Variants in ZFHX4 observed in about 807,000 individuals in gnomAD.
The protein encoded by ZFHX4 is zinc finger homeobox protein 4.
ZFHX4 carries 56 observed loss-of-function variants against 267.6 expected under a neutral mutation model. The observed-to-expected ratio is 0.21, with a 90% CI of 0.17 to 0.26. ZFHX4 has a LOEUF of 0.26. Ranked by LOEUF, ZFHX4 falls within the 10% of genes least tolerant of loss-of-function variation. The pLI is 1.00. For synonymous variants in ZFHX4, 1,778 were observed against 1,665.6 expected (o/e 1.07, Z -1.64); for missense variants, 4,332 against 4,420.0 (o/e 0.98, Z 0.56).
chr8:76,811,101 G>C (rs1811365719), intron 4 of ZFHX4, among the ~76,000 whole-genome samples: 1 of 152,072 alleles, frequency 6.6e-6, no homozygotes, highest in Admixed American at 6.5e-5. Context: ...GAGCCCACAA[G>C]CTAAACCCTC....
chr8:76,762,799 C>G (rs979654264), intron 3 of ZFHX4, among the ~76,000 whole-genome samples: 1 of 152,156 alleles, frequency 6.6e-6, no homozygotes, highest in African/African-American at 2.4e-5. Flanking sequence ...ATCGTATTGA[C>G]TCTCTCAATA....
chr8:76,856,193 G>C lies in ZFHX4; in HGVS notation c.9272G>C (p.Gly3091Ala). Reference protein sequence around the residue: ...PGMMDSSSLHGISLPTAYPGL... With the variant: ...PGMMDSSSLHAISLPTAYPGL... ...ATGATGGACAGCAGTTCTCTCCACG[G>C]CATCAGCCTGCCAACAGCCTACCCC... Residue 3091 changes from glycine (G) to alanine (A), a missense_variant, in exon 10 of 11, where the codon GGC becomes GCC. Physicochemically the swap from Gly to Ala is moderately conservative, Grantham distance 60. Around this residue, in one of 7 missense-constraint regions of ZFHX4, gnomAD observed 1,648 missense variants for 1,625.0 expected, o/e 1.01. Transcript: ENST00000651372. 3 of 1,613,944 alleles carry C rather than the reference G, an allele frequency of 1.9e-6. No individual in the cohort carries two copies. The highest frequency in any genetic ancestry group is 2.5e-6 in the Non-Finnish European group (3 of 1,179,866).
intron 4 of ZFHX4, among the ~76,000 whole-genome samples, chr8:76,806,390 C>T (rs760651023): frequency 6.6e-6 from 1 of 152,048 alleles, no homozygotes; most frequent in Non-Finnish European, 1.5e-5. Flanking sequence ...TCAACATTCT[C>T]CAAAGCCTGC....
rs919691821 is a variant in ZFHX4 at position 76,733,896 on chromosome 8, G to T, written c.3093+25848G>T. Reference sequence around the variant, plus strand: ...AACCACTTTAAACCTTTCAGTAAAGGTTTGATAATAGATGTCATCATTGAA... The same window carrying T: ...AACCACTTTAAACCTTTCAGTAAAGTTTTGATAATAGATGTCATCATTGAA... On this transcript the variant is annotated intron_variant, in intron 3 of 10. Coordinates refer to ENST00000651372, the MANE Select transcript of ZFHX4 (RefSeq NM_024721.5). 3.9e-5 allele frequency among the ~76,000 whole-genome samples: 6 copies of T among 152,100 alleles called. No individual in the cohort carries two copies. In the East Asian group the frequency reaches 5.8e-4, roughly 15 times the overall value.
chr8:76,732,229 A>G (rs549807387), intron 3 of ZFHX4, among the ~76,000 whole-genome samples: 21 of 152,106 alleles, frequency 1.4e-4, no homozygotes, highest in Non-Finnish European at 2.4e-4. Context: ...ATATTTTATC[A>G]TGAGTTGAAT....
chr8:76,713,514 C>G (rs1808484459), intron 3 of ZFHX4, among the ~76,000 whole-genome samples: 1 of 151,974 alleles, frequency 6.6e-6, no homozygotes, highest in Non-Finnish European at 1.5e-5. Flanking sequence ...CTTTTCTTAA[C>G]CAACGCCACC....
intron 3 of ZFHX4, among the ~76,000 whole-genome samples, chr8:76,768,327 TG>T (rs990568997): frequency 1.3e-5 from 2 of 152,010 alleles, no homozygotes; most frequent in Non-Finnish European, 2.9e-5. Flanking sequence ...ATTGCAGGAG[TG>T]GCATAATATG....
intron 1 of ZFHX4, among the ~76,000 whole-genome samples, chr8:76,684,459 G>A (rs1807640531): frequency 6.6e-6 from 1 of 152,146 alleles, no homozygotes; most frequent in African/African-American, 2.4e-5. Flanking sequence ...GCACCACTGT[G>A]TTTTTATTCA....
intron 3 of ZFHX4, among the ~76,000 whole-genome samples, chr8:76,721,810 C>A (rs1203482742): frequency 2.6e-5 from 4 of 152,078 alleles, no homozygotes; most frequent in Non-Finnish European, 1.5e-5. Flanking sequence ...TAATTGGAGT[C>A]TTCTCTCTCT....
rs1812696644 is a variant in ZFHX4, at chr8:76,855,590, A to T, written c.8669A>T (p.Asp2890Val). 6.2e-7 allele frequency: 1 copy of T among 1,613,746 alleles called. No homozygotes were observed. Among genetic ancestry groups the T allele is most frequent in the African/African-American group, 1.3e-5 (1 of 74,906 alleles). ...GDHDQSFYITDDPDDNADRSE... is the reference protein window; with the variant it reads ...GDHDQSFYITVDPDDNADRSE... ...CACGACCAAAGCTTTTACATCACAGATGACCCGGATGACAACGCCGACCGC... is the reference window on the plus strand; with the variant it reads ...CACGACCAAAGCTTTTACATCACAGTTGACCCGGATGACAACGCCGACCGC... The change falls in exon 10 of 11, where the codon GAT (aspartate) becomes GTT (valine). Residue 2890 changes from aspartate (D) to valine (V), a missense_variant. Physicochemically the swap from Asp to Val is radical, Grantham distance 152. Around this residue, in one of 7 missense-constraint regions of ZFHX4, gnomAD observed 1,648 missense variants for 1,625.0 expected, o/e 1.01. Transcript: ENST00000651372.
At chr8:76,831,784 A>AATAG (rs1811939693) in intron 4 of ZFHX4, among the ~76,000 whole-genome samples, 1 of 152,192 alleles carries the variant, frequency 6.6e-6, no homozygotes, top group African/African-American at 2.4e-5. Context: ...GGAGGCTCAC[A>AATAG]GAGGAAGACC....
intron 10 of ZFHX4, among the ~76,000 whole-genome samples, chr8:76,857,608 G>A (rs1347471767): frequency 6.6e-6 from 1 of 151,924 alleles, no homozygotes; most frequent in Admixed American, 6.6e-5. Flanking sequence ...TGAGTCAGCT[G>A]GTTTTTGAGA....
intron 3 of ZFHX4, among the ~76,000 whole-genome samples, chr8:76,718,533 C>T (rs1808637087): frequency 6.6e-6 from 1 of 152,020 alleles, no homozygotes; most frequent in Non-Finnish European, 1.5e-5. Flanking sequence ...AAATACTCCC[C>T]AGTTTCATAA....
intron 3 of ZFHX4, among the ~76,000 whole-genome samples, chr8:76,744,724 C>T (rs1238446461): frequency 6.6e-6 from 1 of 152,026 alleles, no homozygotes. Context: ...ATATGCTATA[C>T]TTTCTGTAAG....
At chr8:76,807,715 T>C (rs1811279423) in intron 4 of ZFHX4, among the ~76,000 whole-genome samples, 1 of 152,158 alleles carries the variant, frequency 6.6e-6, no homozygotes, top group South Asian at 2.1e-4. Flanking sequence ...ATGGAGATCA[T>C]TCAGTTTTGT....
At chr8:76,818,044 G>C (rs1811551521) in intron 4 of ZFHX4, among the ~76,000 whole-genome samples, 1 of 152,138 alleles carries the variant, frequency 6.6e-6, no homozygotes, top group South Asian at 2.1e-4. Flanking sequence ...AGGCTGCCTA[G>C]AGGACAGAAT....
intron 3 of ZFHX4, among the ~76,000 whole-genome samples, chr8:76,757,227 G>T (rs1047640481): frequency 6.6e-6 from 1 of 152,106 alleles, no homozygotes; most frequent in Non-Finnish European, 1.5e-5. Flanking sequence ...CAGACAAAAA[G>T]AATTGCAATA....
At position 76,705,719 on chromosome 8, in the gene ZFHX4, C is replaced by T; in HGVS notation, c.1631C>T (p.Ala544Val). ...AAAAAACAGACTGCTGCTGTTAGGG[C>T]CAGTGGCAGTGTTGCTAGTAACTAT... ...EKKKQTAAVR[A>V]SGSVASNYGI... Residue 544 changes from alanine (A) to valine (V), a missense_variant, in exon 2 of 11, where the codon GCC (alanine) becomes GTC (valine). By Grantham distance (64) the Ala-to-Val change is moderately conservative. This residue lies in a region of ZFHX4 where 1,195 missense variants were observed against 1,173.6 expected (regional missense o/e 1.02). Coordinates refer to ENST00000651372, the MANE Select transcript of ZFHX4 (RefSeq NM_024721.5). 1 of 1,613,976 alleles carries T rather than the reference C, an allele frequency of 6.2e-7. No individual in the cohort carries two copies. The highest frequency in any genetic ancestry group is 8.5e-7 in the Non-Finnish European group (1 of 1,179,896).
At chr8:76,755,539 TC>T (rs1809739258) in intron 3 of ZFHX4, among the ~76,000 whole-genome samples, 1 of 152,186 alleles carries the variant, frequency 6.6e-6, no homozygotes, top group South Asian at 2.1e-4. Context: ...ATTATTATTC[TC>T]AGTATATGTT....
Sources: allele counts gnomAD v4.1 joint callset (sites outside exome capture counted in the v4.1 genomes callset), GRCh38; gene constraint gnomAD v4.1.1; regional missense constraint gnomAD v4.1.1; transcripts MANE v1.5; gene names NCBI Gene and HGNC (gene_info 2026-07-23, HGNC 2026-07-21).